The following ANKIB1 variants were observed in gnomAD, a reference collection of about 807,000 sequenced individuals.
ANKIB1 encodes ankyrin repeat and IBR domain-containing protein 1.
In ANKIB1, 43 loss-of-function variants were observed where a neutral mutation model predicts 122.1. That is an observed-to-expected ratio of 0.35 (90% CI 0.28 to 0.45). The LOEUF (loss-of-function observed/expected upper bound fraction) is 0.45. ANKIB1 is among the 20% of genes least tolerant of loss of function. The pLI is 1.00. For synonymous variants in ANKIB1, 390 were observed against 442.0 expected (o/e 0.88, Z 1.48); for missense variants, 992 against 1,329.5 (o/e 0.75, Z 3.95).
rs34091044 is a variant in ANKIB1 at position 92,298,768 on chromosome 7, T to TAAAAAAA, written c.188+3616_188+3622dup. Among the ~76,000 whole-genome samples the TAAAAAAA allele has an allele frequency of 2.6e-5, 3 of 117,624 alleles. 1 individual carries two copies. The highest frequency in any genetic ancestry group is 5.3e-5 in the Non-Finnish European group (3 of 56,464). The allele number at this position is 117,624 out of a possible 152,430, so 77.2% of individuals were successfully genotyped here. The stretch of plus-strand genomic sequence containing the variant: ...TTCATCACTGTTAGGCACTTGCAGT[T>TAAAAAAA]AAAAAAAAAAAAAAAAAAAAGCAGT... On this transcript the variant is annotated intron_variant, in intron 2 of 19. Transcript: ENST00000265742.
intron 1 of ANKIB1, among the ~76,000 whole-genome samples, chr7:92,261,216 G>A (rs1801555287): frequency 6.6e-6 from 1 of 151,596 alleles, no homozygotes; most frequent in Admixed American, 6.6e-5. Context: ...AGGCGTGGTA[G>A]CGGGCGCCTG....
At chr7:92,387,590 T>G (rs1192997760) in intron 12 of ANKIB1, among the ~76,000 whole-genome samples, 1 of 151,432 alleles carries the variant, frequency 6.6e-6, no homozygotes, top group East Asian at 1.9e-4. Context: ...GAGCTCAGAT[T>G]GCACCACTGC....
At chr7:92,296,712 C>G (rs539165842) in intron 2 of ANKIB1, among the ~76,000 whole-genome samples, 2 of 152,158 alleles carry the variant, frequency 1.3e-5, no homozygotes, top group South Asian at 4.1e-4. Context: ...TTAAAGGTAT[C>G]TTTGTACTTC....
chr7:92,311,198 T>C (rs1802684971), intron 3 of ANKIB1, among the ~76,000 whole-genome samples: 1 of 152,160 alleles, frequency 6.6e-6, no homozygotes, highest in African/African-American at 2.4e-5. Flanking sequence ...TTGGGTTGAG[T>C]GAAAGTGTCG....
At chr7:92,353,464 A>G (rs1803708374) in intron 9 of ANKIB1, among the ~76,000 whole-genome samples, 1 of 152,240 alleles carries the variant, frequency 6.6e-6, no homozygotes, top group Non-Finnish European at 1.5e-5. Context: ...GAAAAAAGCT[A>G]CAGTATTTAT....
At chr7:92,249,090 G>A (rs1479916643) in intron 1 of ANKIB1, among the ~76,000 whole-genome samples, 11 of 152,004 alleles carry the variant, frequency 7.2e-5, no homozygotes, top group African/African-American at 2.2e-4. Context: ...GTTTTGCCAC[G>A]TTGGCCAGGC....
rs376386955 is a variant in ANKIB1 at position 92,336,952 on chromosome 7, G to T, written c.788-6072G>T. 2.4e-4 allele frequency among the ~76,000 whole-genome samples: 36 copies of T among 152,244 alleles called. No individual in the cohort carries two copies. In the South Asian group the frequency reaches 7.3e-3, roughly 31 times the overall value. Reference sequence around the variant, plus strand: ...AGCTACTTTACCTTTATCAGAAGTAGAACTCTGTTATATTCAGTTTCCCTT... The same window carrying T: ...AGCTACTTTACCTTTATCAGAAGTATAACTCTGTTATATTCAGTTTCCCTT... On this transcript the variant is annotated intron_variant, in intron 5 of 19. Coordinates refer to ENST00000265742, the MANE Select transcript of ANKIB1 (RefSeq NM_019004.2).
intron 1 of ANKIB1, among the ~76,000 whole-genome samples, chr7:92,264,063 A>G (rs1319344575): frequency 6.6e-6 from 1 of 151,874 alleles, no homozygotes; most frequent in Non-Finnish European, 1.5e-5. Flanking sequence ...GTTCCATTGT[A>G]TGATTAACCA....
chr7:92,351,027 C>T lies in ANKIB1; in HGVS notation c.1163C>T (p.Pro388Leu). Residue 388 changes from proline (P) to leucine (L), a missense_variant, in exon 8 of 20, where the codon CCT becomes CTT. Physicochemically the swap from Pro to Leu is moderately conservative, Grantham distance 98 (BLOSUM62 -3). Coordinates refer to ENST00000265742, the MANE Select transcript of ANKIB1 (RefSeq NM_019004.2). ...GCATATGATTGCTTCCAACTTGTAC[C>T]TGTGGATATCATAGAAAGTGTAGTT... ...CPAYDCFQLV[P>L]VDIIESVVSK... 1 of 1,600,898 alleles carries T rather than the reference C, an allele frequency of 6.2e-7. No individual in the cohort carries two copies. Among genetic ancestry groups the T allele is most frequent in the Non-Finnish European group, 8.5e-7 (1 of 1,173,116 alleles).
intron 5 of ANKIB1, among the ~76,000 whole-genome samples, chr7:92,334,224 CAGTT>C (rs1044082626): frequency 2.0e-5 from 3 of 152,042 alleles, no homozygotes; most frequent in Admixed American, 1.3e-4. Context: ...AGACTTAAAA[CAGTT>C]AGAATCAAAA....
chr7:92,327,828 A>G lies in ANKIB1; in HGVS notation c.715A>G (p.Met239Val). The change falls in exon 5 of 20, where the codon ATG (methionine) becomes GTG (valine). Residue 239 changes from methionine to valine, a missense_variant. Coordinates refer to ENST00000265742, the MANE Select transcript of ANKIB1 (RefSeq NM_019004.2). ...RPQDLRRLKD[M>V]LIVETADMLQ... ...TCAGGATCTTCGTAGACTAAAAGAT[A>G]TGCTTATTGTGGAAACTGCAGACAT... 1.9e-6 allele frequency: 3 copies of G among 1,592,070 alleles called. No homozygotes were observed. The highest frequency in any genetic ancestry group is 1.7e-4 in the Middle Eastern group (1 of 6,010).
chr7:92,380,472 C>T (rs1048331637), intron 11 of ANKIB1, among the ~76,000 whole-genome samples: 2 of 152,212 alleles, frequency 1.3e-5, no homozygotes, highest in Non-Finnish European at 2.9e-5. Context: ...CTTGGAGACA[C>T]CTCCCATTAG....
At chr7:92,381,293 T>A (rs779604545) in intron 11 of ANKIB1, among the ~76,000 whole-genome samples, 1 of 152,032 alleles carries the variant, frequency 6.6e-6, no homozygotes, top group Non-Finnish European at 1.5e-5. Flanking sequence ...ACGGGGAGAA[T>A]GGAACCAAGC....
At chr7:92,287,391 T>C (rs1182593211) in intron 1 of ANKIB1, among the ~76,000 whole-genome samples, 1 of 152,242 alleles carries the variant, frequency 6.6e-6, no homozygotes, top group Non-Finnish European at 1.5e-5. Flanking sequence ...TAGCCAGTTA[T>C]TTGTAGAACA....
At chr7:92,372,767 C>A (rs923809037) in intron 11 of ANKIB1, among the ~76,000 whole-genome samples, 1 of 152,028 alleles carries the variant, frequency 6.6e-6, no homozygotes, top group African/African-American at 2.4e-5. Context: ...TCCCTACCTA[C>A]CTACATTTAT....
intron 7 of ANKIB1, chr7:92,348,145 A>G (rs1803580024): frequency 7.0e-6 from 2 of 285,450 alleles, no homozygotes; most frequent in Non-Finnish European, 1.4e-5. Flanking sequence ...CCTGTCTTCA[A>G]TGAGGTCTTC....
At chr7:92,259,633 C>G (rs755381847) in intron 1 of ANKIB1, among the ~76,000 whole-genome samples, 2 of 152,192 alleles carry the variant, frequency 1.3e-5, no homozygotes, top group Non-Finnish European at 1.5e-5. Context: ...GGTTGTATCT[C>G]CAGCCCAGAC....
At chr7:92,247,372 C>G (rs1328196210) in intron 1 of ANKIB1, among the ~76,000 whole-genome samples, 1 of 152,050 alleles carries the variant, frequency 6.6e-6, no homozygotes, top group African/African-American at 2.4e-5. Flanking sequence ...GAAGGTTTTG[C>G]TTTGTTACAA....
rs965133284 is a variant in ANKIB1, at chr7:92,344,998, T to A, written c.1017T>A (p.Ser339Arg). Reference sequence around the variant, plus strand: ...TCCAGTGTGACATTTGTATGTGCAGTATCTCTGTATTTGAAGACCCTGTGG... The same window carrying A: ...TCCAGTGTGACATTTGTATGTGCAGAATCTCTGTATTTGAAGACCCTGTGG... Reference protein sequence around the residue: ...DTSLCDICMCSISVFEDPVDM... With the variant: ...DTSLCDICMCRISVFEDPVDM... Residue 339 changes from serine to arginine, a missense_variant, in exon 7 of 20, where the codon AGT (serine) becomes AGA (arginine). By Grantham distance (110) the Ser-to-Arg change is moderately radical (BLOSUM62 -1). Coordinates refer to ENST00000265742, the MANE Select transcript of ANKIB1 (RefSeq NM_019004.2). 1.2e-6 allele frequency: 2 copies of A among 1,612,764 alleles called. No individual in the cohort carries two copies. Among genetic ancestry groups the A allele is most frequent in the Non-Finnish European group, 8.5e-7 (1 of 1,179,152 alleles).
Sources: allele counts gnomAD v4.1 joint callset (sites outside exome capture counted in the v4.1 genomes callset), GRCh38; gene constraint gnomAD v4.1.1; transcripts MANE v1.5; gene names NCBI Gene and HGNC (gene_info 2026-07-23, HGNC 2026-07-21).